Variants in WASL observed in about 807,000 individuals in gnomAD.
The protein encoded by WASL is WASP like actin nucleation promoting factor, also known as actin nucleation-promoting factor WASL.
Under a neutral mutation model 55.5 loss-of-function variants are expected in WASL, and 20 were observed. The observed-to-expected ratio is 0.36, with a 90% CI of 0.25 to 0.52. The LOEUF is 0.52. Ranked by LOEUF, WASL falls within the 20% of genes least tolerant of loss-of-function variation. The pLI, the probability that WASL is intolerant of heterozygous loss-of-function variation, is 0.92. For synonymous variants in WASL, 249 were observed against 217.6 expected (o/e 1.14, Z -1.27); for missense variants, 504 against 622.5 (o/e 0.81, Z 2.03).
chr7:123,703,215 A>G (rs1309372864), intron 5 of WASL, among the ~76,000 whole-genome samples: 1 of 152,170 alleles, frequency 6.6e-6, no homozygotes, highest in Non-Finnish European at 1.5e-5. Flanking sequence ...TTGACATAAC[A>G]TAGTGGTTAA....
chr7:123,742,262 A>C (rs1463150904), intron 1 of WASL, among the ~76,000 whole-genome samples: 11 of 152,258 alleles, frequency 7.2e-5, no homozygotes, highest in Admixed American at 7.2e-4. Context: ...TTTGGGTTTC[A>C]GAAAAGTTCT....
Position 123,695,879 on chromosome 7 carries a change from T to C in WASL, c.630-14A>G, listed in dbSNP as rs545574783. On this transcript the variant is annotated splice_polypyrimidine_tract_variant and intron_variant, in intron 6 of 10. Coordinates refer to ENST00000223023, the MANE Select transcript of WASL (RefSeq NM_003941.4). ...TGTCCAATGTGCCTGAAGTAGAAAA[T>C]AGAAAAAAAATAGAAAAACAAAATG... The C allele has an allele frequency of 8.1e-6, 13 of 1,610,940 alleles. No homozygotes were observed. The African/African-American group carries it at 1.1e-4, about 13-fold the overall frequency.
At chr7:123,748,592 TG>T in intron 1 of WASL, 25 bp downstream of exon 1, 1 of 1,610,354 alleles carries the variant, frequency 6.2e-7, no homozygotes, top group Middle Eastern at 1.7e-4. Flanking sequence ...ATGTCACGGG[TG>T]GCGACGCGGG....
At chr7:123,748,121 A>G (rs891941602) in intron 1 of WASL, among the ~76,000 whole-genome samples, 2 of 152,010 alleles carry the variant, frequency 1.3e-5, no homozygotes, top group African/African-American at 2.4e-5. Context: ...AGGCTCTTGC[A>G]CTCGACTTCA....
intron 5 of WASL, among the ~76,000 whole-genome samples, chr7:123,698,092 T>C (rs1225616716): frequency 6.6e-6 from 1 of 152,096 alleles, no homozygotes; most frequent in African/African-American, 2.4e-5. Context: ...CCCATGTGTC[T>C]TTCCCTTTGC....
chr7:123,714,396 T>C (rs571769015), intron 1 of WASL, among the ~76,000 whole-genome samples: 1 of 151,842 alleles, frequency 6.6e-6, no homozygotes, highest in African/African-American at 2.4e-5. Flanking sequence ...AAAAAGAATA[T>C]GGCAATGACA....
rs936637462 is a variant in WASL, at chr7:123,683,169, A to G, written c.*1350T>C. The G allele has an allele frequency of 3.9e-5, 6 of 152,078 alleles. No individual in the cohort carries two copies. Among genetic ancestry groups the G allele is most frequent in the African/African-American group, 1.4e-4 (6 of 41,428 alleles). 9.4% of individuals were successfully genotyped at this position (152,078 alleles called of 1,614,324 possible). A position where few individuals can be genotyped will look rare whatever the true frequency, so the allele number is the denominator to read the frequency against. On this transcript the variant is annotated 3_prime_UTR_variant, in exon 11 of 11. Transcript: ENST00000223023. ...CATTTGGAACTACATTATGCATATTACTCAATGTGAGAAAAATATGTTTGT... is the reference window on the plus strand; with the variant it reads ...CATTTGGAACTACATTATGCATATTGCTCAATGTGAGAAAAATATGTTTGT...
At chr7:123,711,046 C>G (rs1019684318) in intron 1 of WASL, among the ~76,000 whole-genome samples, 1 of 152,008 alleles carries the variant, frequency 6.6e-6, no homozygotes, top group African/African-American at 2.4e-5. Flanking sequence ...AAAAAGATAG[C>G]AATTAGGAAA....
intron 5 of WASL, among the ~76,000 whole-genome samples, chr7:123,702,756 G>A (rs895960065): frequency 4.6e-5 from 7 of 152,220 alleles, no homozygotes; most frequent in African/African-American, 1.7e-4. Context: ...GCATATAGGA[G>A]AATCTGTAGT....
At chr7:123,695,765 A>C (rs1261877688) in intron 7 of WASL, 58 bp downstream of exon 7, 5 of 1,551,492 alleles carry the variant, frequency 3.2e-6, no homozygotes, top group Non-Finnish European at 4.4e-6. Context: ...AAAATCTAAA[A>C]TAGGCCAACA....
intron 1 of WASL, among the ~76,000 whole-genome samples, chr7:123,713,940 A>G (rs1184368320): frequency 6.6e-6 from 1 of 152,252 alleles, no homozygotes; most frequent in East Asian, 1.9e-4. Flanking sequence ...GGTGGGTTCT[A>G]AAGGACCTCA....
At position 123,746,332 on chromosome 7, in the gene WASL, TTC is replaced by T. The variant is rs1444698474; in HGVS notation, c.117+2284_117+2285del. Among the ~76,000 whole-genome samples the T allele has an allele frequency of 4.6e-5, 7 of 152,340 alleles. No individual in the cohort carries two copies. The East Asian group carries it at 1.2e-3, about 25-fold the overall frequency. On this transcript the variant is annotated intron_variant, in intron 1 of 10. Transcript: ENST00000223023. ...CCTCCAGAGCTTCGACTATAACTGC[TTC>T]TGTTTCATTTCTTGAATTCTTAGGT...
chr7:123,734,239 T>C (rs1469108429), intron 1 of WASL, among the ~76,000 whole-genome samples: 1 of 152,126 alleles, frequency 6.6e-6, no homozygotes, highest in African/African-American at 2.4e-5. Context: ...AACACACAGC[T>C]GATACAGGAA....
At chr7:123,700,542 T>C (rs1803571475) in intron 5 of WASL, among the ~76,000 whole-genome samples, 1 of 151,846 alleles carries the variant, frequency 6.6e-6, no homozygotes, top group Non-Finnish European at 1.5e-5. Flanking sequence ...CGGGTTCAAG[T>C]GATTCTCCTG....
chr7:123,690,776 A>C (rs778946496), intron 9 of WASL, among the ~76,000 whole-genome samples: 3 of 152,042 alleles, frequency 2.0e-5, no homozygotes, highest in Non-Finnish European at 2.9e-5. Flanking sequence ...GAAAGAAACA[A>C]AGTTGGTTTG....
Position 123,692,793 on chromosome 7 carries a change from G to A in WASL, c.901C>T (p.Pro301Ser). 8 of 1,471,932 alleles carry A rather than the reference G, an allele frequency of 5.4e-6. No homozygotes were observed. Among genetic ancestry groups the A allele is most frequent in the Non-Finnish European group, 7.2e-6 (8 of 1,111,720 alleles). 91.2% of individuals were successfully genotyped at this position (1,471,932 alleles called of 1,614,324 possible). Residue 301 changes from proline to serine, a missense_variant, in exon 9 of 11, where the codon CCT (proline) becomes TCT (serine). By Grantham distance (74) the Pro-to-Ser change is moderately conservative. This residue lies in a region of WASL where 201 missense variants were observed against 206.2 expected (regional missense o/e 0.97). Coordinates refer to ENST00000223023, the MANE Select transcript of WASL (RefSeq NM_003941.4). ...GCGCCTCTTCCCCTAGCAGGAGGAGGAGGAGGACCTGAGTTGTGTGGAGGG... is the reference window on the plus strand; with the variant it reads ...GCGCCTCTTCCCCTAGCAGGAGGAGAAGGAGGACCTGAGTTGTGTGGAGGG... Reference protein sequence around the residue: ...PPPPHNSGPPPPPARGRGAPP... With the variant: ...PPPPHNSGPPSPPARGRGAPP...
chr7:123,716,176 T>A (rs892098211), intron 1 of WASL, among the ~76,000 whole-genome samples: 1 of 152,020 alleles, frequency 6.6e-6, no homozygotes, highest in Non-Finnish European at 1.5e-5. Context: ...GGAAAGGGGG[T>A]ACCCTAGGAG....
rs756596760 is a variant in WASL at position 123,684,558 on chromosome 7, ATCATCT to A, written c.1473_1478del (p.Glu491_Asp492del). Reference sequence around the variant, plus strand: ...CATCATCATCCTCAAAATCTTCTTCATCATCTTCATCTTCATCTTCATCTACAAGAA... The same window carrying A: ...CATCATCATCCTCAAAATCTTCTTCATCATCTTCATCTTCATCTACAAGAA... On this transcript the variant is annotated inframe_deletion, in exon 11 of 11. Transcript: ENST00000223023. The A allele has an allele frequency of 6.2e-5, 87 of 1,401,716 alleles. No homozygotes were observed. Among genetic ancestry groups the A allele is most frequent in the Middle Eastern group, 1.8e-4 (1 of 5,676 alleles). The allele number at this position is 1,401,716 out of a possible 1,614,324, so 86.8% of individuals were successfully genotyped here.
intron 4 of WASL, 42 bp downstream of exon 4, chr7:123,706,235 A>G: frequency 6.4e-7 from 1 of 1,564,934 alleles, no homozygotes; most frequent in East Asian, 2.2e-5. Flanking sequence ...CCCCATGAGC[A>G]TTAGTTTGCT....
Sources: gnomAD v4.1 joint callset for allele counts (sites outside exome capture counted in the v4.1 genomes callset) on GRCh38, gnomAD v4.1.1 for gene constraint, gnomAD v4.1.1 regional missense constraint, MANE v1.5 for transcripts, NCBI Gene and HGNC (gene_info 2026-07-23, HGNC 2026-07-21) for gene names.